Variants in PRSS37 observed in about 807,000 individuals in gnomAD.
The protein encoded by PRSS37 is probable inactive serine protease 37.
PRSS37 carries 25 observed loss-of-function variants against 28.0 expected under a neutral mutation model. The observed-to-expected ratio is 0.89, with a 90% CI of 0.65 to 1.25. The LOEUF is 1.25. Ranked by LOEUF, PRSS37 falls within the 50% of genes most tolerant of loss-of-function variation. The probability of loss-of-function intolerance (pLI) is 0.00; values close to 1 mark genes in which losing one functional copy is unlikely to be tolerated. For synonymous variants in PRSS37, 109 were observed against 107.8 expected, an observed-to-expected ratio of 1.01 and a Z score of -0.07; for missense variants, 282 against 292.2, an observed-to-expected ratio of 0.97 and a Z score of 0.25.
intron 2 of PRSS37, chr7:141,839,106 T>C (rs1458864190): frequency 9.4e-6 from 6 of 637,432 alleles, no homozygotes; most frequent in Non-Finnish European, 1.4e-5. Context: ...TGTTCTGGGC[T>C]GGACAAATCT....
intron 3 of PRSS37, chr7:141,837,556 C>T (rs1801002430): frequency 6.7e-7 from 1 of 1,499,852 alleles, no homozygotes; most frequent in South Asian, 1.2e-5. Flanking sequence ...GAAGTAGGAC[C>T]ACACCTTGTT....
At chr7:141,838,976 A>G (rs1234010354) in intron 2 of PRSS37, 3 of 468,500 alleles carry the variant, frequency 6.4e-6, no homozygotes, top group East Asian at 6.5e-5. Flanking sequence ...GTTACCTGCT[A>G]GATCTTTAAG....
At chr7:141,839,141 T>C (rs1714384944) in intron 2 of PRSS37, 197 bp downstream of exon 2, 2 of 637,276 alleles carry the variant, frequency 3.1e-6, no homozygotes, top group South Asian at 1.8e-5. Context: ...GTGCTGTGAA[T>C]TGTAGGATGT....
chr7:141,841,069 C>T lies in PRSS37; in HGVS notation c.-20G>A, dbSNP rs556439728. On this transcript the variant is annotated 5_prime_UTR_variant, in exon 1 of 5. Coordinates refer to ENST00000350549, the MANE Select transcript of PRSS37 (RefSeq NM_001008270.3). The stretch of plus-strand genomic sequence containing the variant: ...TTTCATGGTGATCCAGCTCTTCCCC[C>T]TGTGAGATGTAGAAGAAAATCAGCA... 6.2e-7 allele frequency: 1 copy of T among 1,613,464 alleles called. No homozygotes were observed. The highest frequency in any genetic ancestry group is 1.1e-5 in the South Asian group (1 of 91,066).
At chr7:141,839,144 T>C (rs1289100292) in intron 2 of PRSS37, 194 bp downstream of exon 2, 3 of 641,904 alleles carry the variant, frequency 4.7e-6, no homozygotes. Flanking sequence ...CTGTGAATTG[T>C]AGGATGTTAA....
At chr7:141,839,039 G>A in intron 2 of PRSS37, 1 of 553,568 alleles carries the variant, frequency 1.8e-6, no homozygotes, top group Non-Finnish European at 3.4e-6. Context: ...AAAAACTTAT[G>A]AGAGTCTGAG....
intron 1 of PRSS37, among the ~76,000 whole-genome samples, chr7:141,839,761 CA>C (rs1801096706): frequency 6.6e-6 from 1 of 151,920 alleles, no homozygotes; most frequent in African/African-American, 2.4e-5. Context: ...TCTTGAAAAG[CA>C]ATTTAGAAAC....
chr7:141,837,119 A>T lies in PRSS37; in HGVS notation c.560T>A (p.Ile187Asn). 1.2e-6 allele frequency: 2 copies of T among 1,612,546 alleles called. No homozygotes were observed. Among genetic ancestry groups the T allele is most frequent in the Non-Finnish European group, 1.7e-6 (2 of 1,179,596 alleles). The change falls in exon 4 of 5, where the codon ATT becomes AAT. Residue 187 changes from isoleucine to asparagine, a missense_variant. By Grantham distance (149) the Ile-to-Asn change is moderately radical (BLOSUM62 -3). Transcript: ENST00000350549. ...ATATAGAGATAAGATTACCCCAAAAATTCGGCTGAATACTTTCACAAATTT... is the reference window on the plus strand; with the variant it reads ...ATATAGAGATAAGATTACCCCAAAATTTCGGCTGAATACTTTCACAAATTT... ...CVKFVKVFSR[I>N]FGEVAVATVI...
chr7:141,838,550 G>A (rs544416221), intron 2 of PRSS37: 6 of 738,778 alleles, frequency 8.1e-6, no homozygotes, highest in South Asian at 3.8e-5. Context: ...ACCTTTGGAA[G>A]GGGACATATA....
rs1800984647 is a variant in PRSS37 at position 141,837,092 on chromosome 7, G to C, written c.567+20C>G. On this transcript the variant is annotated intron_variant, in intron 4 of 4. Transcript: ENST00000350549. ...GGGCATATGCAAGTAAATGAAAGCT[G>C]AATATAGAGATAAGATTACCCCAAA... 6.2e-7 allele frequency: 1 copy of C among 1,610,378 alleles called. No homozygotes were observed.
At chr7:141,838,890 T>C (rs1181980151) in intron 2 of PRSS37, 1 of 432,850 alleles carries the variant, frequency 2.3e-6, no homozygotes, top group Admixed American at 2.8e-5. Context: ...ATATTGTCCC[T>C]TTAATGTCTC....
rs1199796377 is a variant in PRSS37, at chr7:141,837,615, G to C, written c.430+245C>G. ...TCAGGAATGGCTGGGCCTCTGTGCA[G>C]AGTCAGATGGCCTGGTGGCTCCAGC... On this transcript the variant is annotated intron_variant, in intron 3 of 4. Transcript: ENST00000350549. 3.3e-6 allele frequency: 5 copies of C among 1,514,224 alleles called. No individual in the cohort carries two copies. The East Asian group carries it at 7.7e-5, about 23-fold the overall frequency. The allele number at this position is 1,514,224 out of a possible 1,614,324, so 93.8% of individuals were successfully genotyped here.
intron 3 of PRSS37, chr7:141,837,609 T>C (rs538916686): frequency 2.6e-6 from 4 of 1,512,568 alleles, no homozygotes; most frequent in African/African-American, 2.7e-5. Context: ...GCTGGGCCTC[T>C]GTGCAGAGTC....
At position 141,838,061 on chromosome 7, in the gene PRSS37, C is replaced by T; in HGVS notation, c.229G>A (p.Glu77Lys). ...NFKSRVRDGT[E>K]QTINPIQIVR... ...ATCTGAATGGGGTTAATTGTCTGTT[C>T]AGTACCGTCTCTGACTCTGCTCTTG... Residue 77 changes from glutamate to lysine, a missense_variant, in exon 3 of 5, where the codon GAA (glutamate) becomes AAA (lysine). Glu to Lys is a moderately conservative substitution (Grantham distance 56, BLOSUM62 1). Coordinates refer to ENST00000350549, the MANE Select transcript of PRSS37 (RefSeq NM_001008270.3). 6.2e-7 allele frequency: 1 copy of T among 1,614,100 alleles called. No individual in the cohort carries two copies. The highest frequency in any genetic ancestry group is 1.3e-5 in the African/African-American group (1 of 75,024).
rs1281532638 is a variant in PRSS37 at position 141,838,066 on chromosome 7, C to T, written c.224G>A (p.Gly75Asp). ...LGNFKSRVRD[G>D]TEQTINPIQI... ...AATGGGGTTAATTGTCTGTTCAGTA[C>T]CGTCTCTGACTCTGCTCTTGAAATT... is the stretch of plus-strand genomic sequence containing the variant. The change falls in exon 3 of 5, where the codon GGT becomes GAT. Residue 75 changes from glycine (G) to aspartate (D), a missense_variant. Coordinates refer to ENST00000350549, the MANE Select transcript of PRSS37 (RefSeq NM_001008270.3). The T allele has an allele frequency of 6.2e-7, 1 of 1,613,956 alleles. No individual in the cohort carries two copies. The highest frequency in any genetic ancestry group is 8.5e-7 in the Non-Finnish European group (1 of 1,180,038).
intron 4 of PRSS37, 107 bp from the exon 5 acceptor site, chr7:141,836,642 G>A: frequency 8.1e-7 from 1 of 1,239,836 alleles, no homozygotes. Context: ...GCAGGCATAT[G>A]CTGGACTCTT....
chr7:141,838,259 A>AT (rs1166057841), intron 2 of PRSS37, 146 bp from the exon 3 acceptor site: 1 of 1,470,162 alleles, frequency 6.8e-7, no homozygotes, highest in Non-Finnish European at 9.1e-7. Flanking sequence ...AGTGGATTCC[A>AT]TTTTTATCCC....
At chr7:141,836,679 G>A in intron 4 of PRSS37, 144 bp from the exon 5 acceptor site, 1 of 862,778 alleles carries the variant, frequency 1.2e-6, no homozygotes, top group Non-Finnish European at 1.7e-6. Flanking sequence ...CAGGGGACAG[G>A]ATGCTTGAGC....
At chr7:141,839,088 A>G in intron 2 of PRSS37, 1 of 632,324 alleles carries the variant, frequency 1.6e-6, no homozygotes, top group East Asian at 3.1e-5. Context: ...CAACAGTGGC[A>G]CTATTGCTGT....
Sources: gnomAD v4.1 joint callset for allele counts (sites outside exome capture counted in the v4.1 genomes callset) on GRCh38, gnomAD v4.1.1 for gene constraint, MANE v1.5 for transcripts, NCBI Gene and HGNC (gene_info 2026-07-23, HGNC 2026-07-21) for gene names.